The following NSMAF variants were observed in gnomAD, a reference collection of about 807,000 sequenced individuals.
NSMAF encodes the protein neutral sphingomyelinase activation associated factor.
Under a neutral mutation model 134.9 loss-of-function variants are expected in NSMAF, and 90 were observed. The ratio of observed to expected loss-of-function variants is 0.67; its 90% confidence interval spans 0.56 to 0.79. The LOEUF is 0.79. Among genes scored for constraint, NSMAF ranks in the 30% least tolerant of loss-of-function variants. The pLI, the probability that NSMAF is intolerant of heterozygous loss-of-function variation, is 0.00. For missense variants in NSMAF, 1,010 were observed against 1,119.0 expected, an observed-to-expected ratio of 0.90 and a Z score of 1.39; for synonymous variants, 358 against 389.6, an observed-to-expected ratio of 0.92 and a Z score of 0.96.
intron 1 of NSMAF, among the ~76,000 whole-genome samples, chr8:58,656,960 A>G (rs1046156233): frequency 7.2e-5 from 11 of 152,356 alleles, no homozygotes; most frequent in Middle Eastern, 3.4e-3. Flanking sequence ...GCAATTACTT[A>G]TACTAAAAAA....
chr8:58,615,252 T>C (rs903621695), intron 9 of NSMAF, among the ~76,000 whole-genome samples: 2 of 152,184 alleles, frequency 1.3e-5, no homozygotes, highest in South Asian at 2.1e-4. Context: ...AATTTTAACA[T>C]CCTTCTCTCA....
intron 1 of NSMAF, among the ~76,000 whole-genome samples, chr8:58,645,843 C>T (rs1283990290): frequency 1.3e-5 from 2 of 152,242 alleles, no homozygotes; most frequent in East Asian, 3.9e-4. Flanking sequence ...GAGTTCGAGA[C>T]CAGCCTGGTC....
chr8:58,611,458 G>A (rs567122748), intron 9 of NSMAF, among the ~76,000 whole-genome samples: 23 of 152,238 alleles, frequency 1.5e-4, no homozygotes, highest in Non-Finnish European at 2.5e-4. Flanking sequence ...ACTTGAGCCC[G>A]GGAGGATGGG....
At position 58,647,941 on chromosome 8, in the gene NSMAF, G is replaced by A. The variant is rs376001361; in HGVS notation, c.60-4868C>T. ...GAAGCAGCTTTGGAACAGGGTAACA[G>A]GCAGAAGCTGGAAGAGTTTGGGGGA... On this transcript the variant is annotated intron_variant, in intron 1 of 30. Coordinates refer to ENST00000038176, the MANE Select transcript of NSMAF (RefSeq NM_003580.4). Among the ~76,000 whole-genome samples the A allele has an allele frequency of 4.6e-5, 7 of 152,330 alleles. No homozygotes were observed. In the East Asian group the frequency reaches 5.8e-4, roughly 13 times the overall value.
intron 11 of NSMAF, among the ~76,000 whole-genome samples, chr8:58,606,976 A>G (rs1806423967): frequency 6.6e-6 from 1 of 152,238 alleles, no homozygotes; most frequent in Admixed American, 6.5e-5. Flanking sequence ...GATTTTTAAT[A>G]GTATCTGTTT....
At chr8:58,634,011 T>C (rs7836960) in intron 5 of NSMAF, among the ~76,000 whole-genome samples, 79,877 of 151,976 alleles carry the variant, frequency 0.53, 22,430 homozygotes, top group African/African-American at 0.73. Flanking sequence ...AACCCTATCT[T>C]CAAGTCAAAA....
chr8:58,648,191 G>A (rs182724200), intron 1 of NSMAF, among the ~76,000 whole-genome samples: 1 of 152,170 alleles, frequency 6.6e-6, no homozygotes, highest in African/African-American at 2.4e-5. Flanking sequence ...TCTGTGGAAG[G>A]TTGAACTTAA....
At chr8:58,648,980 T>C (rs1476250684) in intron 1 of NSMAF, among the ~76,000 whole-genome samples, 1 of 152,242 alleles carries the variant, frequency 6.6e-6, no homozygotes, top group Non-Finnish European at 1.5e-5. Context: ...GGGGGCCACC[T>C]GCCCTCTAGA....
intron 1 of NSMAF, among the ~76,000 whole-genome samples, chr8:58,644,634 T>G (rs1172605422): frequency 1.3e-5 from 2 of 152,238 alleles, no homozygotes; most frequent in East Asian, 3.8e-4. Context: ...CAAAGGATTA[T>G]AAATCATTCT....
chr8:58,589,557 T>A lies in NSMAF; in HGVS notation c.2106A>T (p.Ala702=). 3 of 1,566,020 alleles carry A rather than the reference T, an allele frequency of 1.9e-6. No individual in the cohort carries two copies. In the South Asian group the frequency reaches 3.7e-5, roughly 19 times the overall value. ...TTAACGTGTCCTGGCGTCTTCCAAA[T>A]GCTATGGAATAAAAATAGCTAAAAG... The part of the protein sequence containing the change: ...WDNNVYFYSI[A]FGRRQDTLMG... Residue 702 remains alanine (A), a synonymous_variant, in exon 26 of 31, where the codon GCA becomes GCT. Transcript: ENST00000038176.
At chr8:58,625,394 A>ATATG (rs1554576320) in intron 6 of NSMAF, among the ~76,000 whole-genome samples, 21 of 151,648 alleles carry the variant, frequency 1.4e-4, no homozygotes, top group Admixed American at 8.5e-4. Flanking sequence ...ATGTATATGC[A>ATATG]TATGTATGTA....
chr8:58,597,362 C>T (rs572871321), intron 21 of NSMAF, 25 bp downstream of exon 21: 160 of 1,600,414 alleles, frequency 1.0e-4, no homozygotes, highest in Non-Finnish European at 1.3e-4. Flanking sequence ...AAGGTGCTCA[C>T]GTTTATTCTC....
rs1213560163 is a variant in NSMAF at position 58,597,922 on chromosome 8, C to T, written c.1586-20G>A. On this transcript the variant is annotated intron_variant, in intron 19 of 30. Coordinates refer to ENST00000038176, the MANE Select transcript of NSMAF (RefSeq NM_003580.4). Reference sequence around the variant, plus strand: ...GAAATACTGAAAAAGACATACAAAACACTATTGAAAGATGTGCTATTTCAA... The same window carrying T: ...GAAATACTGAAAAAGACATACAAAATACTATTGAAAGATGTGCTATTTCAA... The T allele has an allele frequency of 6.3e-7, 1 of 1,583,596 alleles. No homozygotes were observed. Among genetic ancestry groups the T allele is most frequent in the African/African-American group, 1.3e-5 (1 of 74,224 alleles).
Position 58,595,457 on chromosome 8 carries a change from G to C in NSMAF, c.1892+103C>G. 1.3e-5 allele frequency: 10 copies of C among 751,636 alleles called. No individual in the cohort carries two copies. The South Asian group carries it at 1.6e-4, about 12-fold the overall frequency. 46.6% of individuals were successfully genotyped at this position (751,636 alleles called of 1,614,324 possible). On this transcript the variant is annotated intron_variant, in intron 22 of 30. Coordinates refer to ENST00000038176, the MANE Select transcript of NSMAF (RefSeq NM_003580.4). ...TTAAAAATAAAGACAACATTGAAAG[G>C]GAATTTTCCCTCTGACTCAGCTTAA...
chr8:58,623,633 G>A (rs892700347), intron 7 of NSMAF, 76 bp downstream of exon 7: 31 of 1,266,520 alleles, frequency 2.4e-5, no homozygotes, highest in Non-Finnish European at 3.4e-5. Flanking sequence ...ATTTGGGTAA[G>A]GTATATAAAT....
chr8:58,635,885 A>G (rs1417589859), intron 2 of NSMAF, among the ~76,000 whole-genome samples: 1 of 152,218 alleles, frequency 6.6e-6, no homozygotes, highest in Non-Finnish European at 1.5e-5. Flanking sequence ...GAGAATGCCT[A>G]CACTCATCCC....
At chr8:58,588,387 C>T in intron 26 of NSMAF, 6 of 1,048,420 alleles carry the variant, frequency 5.7e-6, no homozygotes, top group Non-Finnish European at 8.8e-6. Flanking sequence ...CAGAGAATAG[C>T]CTGTCTTCAG....
At chr8:58,624,320 T>A (rs1806865169) in intron 6 of NSMAF, among the ~76,000 whole-genome samples, 2 of 152,116 alleles carry the variant, frequency 1.3e-5, no homozygotes, top group Non-Finnish European at 2.9e-5. Flanking sequence ...GTGCTGGGAT[T>A]ACAGGTGTGA....
chr8:58,613,642 T>A (rs1216647170), intron 9 of NSMAF, among the ~76,000 whole-genome samples: 1 of 152,206 alleles, frequency 6.6e-6, no homozygotes, highest in Admixed American at 6.5e-5. Flanking sequence ...TGACACTGTA[T>A]ATAATAGTGG....
Sources: allele counts gnomAD v4.1 joint callset (sites outside exome capture counted in the v4.1 genomes callset), GRCh38; gene constraint gnomAD v4.1.1; transcripts MANE v1.5; gene names NCBI Gene and HGNC (gene_info 2026-07-23, HGNC 2026-07-21).